RASSF3: variants seen among roughly 807,000 people sequenced by gnomAD.
RASSF3 encodes ras association domain-containing protein 3.
In RASSF3, 19 loss-of-function variants were observed where a neutral mutation model predicts 19.9. That is an observed-to-expected ratio of 0.96 (90% CI 0.67 to 1.40). The LOEUF (loss-of-function observed/expected upper bound fraction) is 1.40. RASSF3 is among the 40% of genes most tolerant of loss of function. The pLI is 0.00. For synonymous variants in RASSF3, 110 were observed against 104.2 expected (o/e 1.06, Z -0.34); for missense variants, 306 against 289.8 (o/e 1.06, Z -0.41).
intron 1 of RASSF3, among the ~76,000 whole-genome samples, chr12:64,517,117 A>T (rs1390815595): frequency 6.6e-6 from 1 of 152,026 alleles, no homozygotes; most frequent in Non-Finnish European, 1.5e-5. Context: ...AATAACCAAG[A>T]ATAACAAAAA....
chr12:64,588,829 G>T (rs969820699), intron 2 of RASSF3, among the ~76,000 whole-genome samples: 1 of 152,020 alleles, frequency 6.6e-6, no homozygotes, highest in Non-Finnish European at 1.5e-5. Context: ...CCATCCACTT[G>T]AGTGGGAATT....
At chr12:64,528,989 G>A (rs1188965733), upstream of RASSF3, among the ~76,000 whole-genome samples, 1 of 152,164 alleles carries the variant, frequency 6.6e-6, no homozygotes, top group Non-Finnish European at 1.5e-5. Context: ...CATCCTCACA[G>A]GTTGCTGAAA....
intron 3 of RASSF3, 36 bp downstream of exon 3, chr12:64,688,489 T>C: frequency 7.0e-7 from 1 of 1,433,768 alleles, no homozygotes; most frequent in African/African-American, 1.4e-5. Flanking sequence ...TGGTCTGTGC[T>C]TCTACTTGCA....
chr12:64,519,036 CATGATTGATCATG>C (rs1868415580), intron 1 of RASSF3, among the ~76,000 whole-genome samples: 1 of 152,178 alleles, frequency 6.6e-6, no homozygotes, highest in African/African-American at 2.4e-5. Flanking sequence ...CAAGAAGTCA[CATGATTGATCATG>C]CATGGGTATA....
At chr12:64,639,073 C>A (rs539012644) in intron 1 of RASSF3, among the ~76,000 whole-genome samples, 1 of 152,202 alleles carries the variant, frequency 6.6e-6, no homozygotes, top group Admixed American at 6.5e-5. Context: ...TACTGCCATA[C>A]GCAGATTCTT....
Position 64,565,927 on chromosome 12 carries a change from G to A in RASSF3, c.294+24222G>A, listed in dbSNP as rs575570830. Among the ~76,000 whole-genome samples, 638 of 151,086 alleles carry A rather than the reference G, an allele frequency of 4.2e-3. 3 individuals are homozygous for A. Among genetic ancestry groups the A allele is most frequent in the Non-Finnish European group, 6.9e-3 (470 of 67,814 alleles). ...GGATAGAAGAGTCTTGCAGCCGGGC[G>A]TGGTGGCTCACGCCTATAATCACAG... On this transcript the variant is annotated intron_variant, in intron 2 of 5. Coordinates refer to the RASSF3 transcript ENST00000637125.
chr12:64,582,935 G>A lies in RASSF3; in HGVS notation c.294+41230G>A, dbSNP rs183623862. 5.3e-5 allele frequency among the ~76,000 whole-genome samples: 8 copies of A among 152,118 alleles called. No individual in the cohort carries two copies. The East Asian group carries it at 7.7e-4, about 15-fold the overall frequency. On this transcript the variant is annotated intron_variant, in intron 2 of 5. Coordinates refer to the RASSF3 transcript ENST00000637125. ...AGGCTGGAAGTGTAGAAAGATCTTC[G>A]AGACACTACTTACTCATTTTGAAGT...
At chr12:64,537,583 TCA>T (rs1214169424) in intron 1 of RASSF3, among the ~76,000 whole-genome samples, 1 of 152,142 alleles carries the variant, frequency 6.6e-6, no homozygotes, top group Non-Finnish European at 1.5e-5. Flanking sequence ...TCCTGAAGAC[TCA>T]CACGTCCAAC....
chr12:64,641,139 T>C (rs1449152253), intron 1 of RASSF3, among the ~76,000 whole-genome samples: 1 of 152,070 alleles, frequency 6.6e-6, no homozygotes. Context: ...TAAAGGCCTG[T>C]AATCCCAGCA....
intron 1 of RASSF3, among the ~76,000 whole-genome samples, chr12:64,634,753 A>T (rs1202359377): frequency 8.5e-6 from 1 of 117,930 alleles, no homozygotes. Flanking sequence ...ACAGCGAGAC[A>T]CCATCTCATA....
At chr12:64,660,006 G>GTA (rs10680087) in intron 1 of RASSF3, among the ~76,000 whole-genome samples, 44,949 of 125,612 alleles carry the variant, frequency 0.36, 7,106 homozygotes, top group South Asian at 0.4. Flanking sequence ...ATGTGTGCGT[G>GTA]TATATATATG....
chr12:64,692,421 T>C (rs1868299146), intron 4 of RASSF3, among the ~76,000 whole-genome samples: 2 of 152,228 alleles, frequency 1.3e-5, no homozygotes, highest in East Asian at 1.9e-4. Context: ...CTAAACACTT[T>C]ACAAGGTGGG....
chr12:64,576,355 T>G (rs71467190), intron 2 of RASSF3, among the ~76,000 whole-genome samples: 6,717 of 152,280 alleles, frequency 0.044, 197 homozygotes, highest in East Asian at 0.065. Context: ...ATCTTGACCC[T>G]TATCTTACTG....
chr12:64,637,199 G>A (rs552295274), intron 1 of RASSF3, among the ~76,000 whole-genome samples: 2 of 152,264 alleles, frequency 1.3e-5, no homozygotes, highest in South Asian at 2.1e-4. Flanking sequence ...AGGCGCCTTG[G>A]GGGCTGAATA....
intron 3 of RASSF3, among the ~76,000 whole-genome samples, chr12:64,689,755 C>T (rs1472052503): frequency 7.2e-6 from 1 of 138,070 alleles, no homozygotes; most frequent in Non-Finnish European, 1.6e-5. Context: ...AGCTTATATT[C>T]TGATTGCTTG....
At chr12:64,603,748 C>T (rs1225989696) in intron 2 of RASSF3, among the ~76,000 whole-genome samples, 2 of 152,236 alleles carry the variant, frequency 1.3e-5, no homozygotes, top group African/African-American at 2.4e-5. Context: ...ATTACCCTCC[C>T]TTTCCAGATG....
downstream of RASSF3, among the ~76,000 whole-genome samples, chr12:64,543,696 G>A (rs1021653038): frequency 3.3e-5 from 5 of 151,340 alleles, no homozygotes; most frequent in Admixed American, 3.3e-4. Context: ...GCGATCCACT[G>A]GGTGAAGCCT....
intron 1 of RASSF3, among the ~76,000 whole-genome samples, chr12:64,651,890 G>A (rs1036509343): frequency 6.6e-6 from 1 of 151,936 alleles, no homozygotes. Flanking sequence ...TCTCAGACTG[G>A]GCTCAAGCAA....
intron 4 of RASSF3, among the ~76,000 whole-genome samples, chr12:64,692,930 G>A (rs991710035): frequency 4.6e-5 from 7 of 152,080 alleles, no homozygotes; most frequent in Non-Finnish European, 1.0e-4. Context: ...CCAGACTGCT[G>A]TACTGGACCT....
Sources: gnomAD v4.1 joint callset for allele counts (sites outside exome capture counted in the v4.1 genomes callset) on GRCh38, gnomAD v4.1.1 for gene constraint, MANE v1.5 for transcripts, NCBI Gene and HGNC (gene_info 2026-07-23, HGNC 2026-07-21) for gene names.